Variants in CEP290 observed in about 807,000 individuals in gnomAD.
CEP290 encodes the protein centrosomal protein 290.
Under a neutral mutation model 344.9 loss-of-function variants are expected in CEP290, and 317 were observed. The observed-to-expected ratio is 0.92, with a 90% CI of 0.84 to 1.01. CEP290 has a LOEUF of 1.01. Ranked by LOEUF, CEP290 falls within the 50% of genes least tolerant of loss-of-function variation. The probability of loss-of-function intolerance (pLI) is 0.00; values close to 1 mark genes in which losing one functional copy is unlikely to be tolerated. For synonymous variants in CEP290, 932 were observed against 895.8 expected, an observed-to-expected ratio of 1.04 and a Z score of -0.72; for missense variants, 2,754 against 2,761.4, an observed-to-expected ratio of 1.00 and a Z score of 0.06.
rs751352443 is a variant in CEP290 at position 88,083,929 on chromosome 12, T to C, written c.4730A>G (p.His1577Arg). ...ATGAAGAATATGAAGGTCTTCCTCATGTTTCTTCACAATTTCTCTTTGCTC... is the reference window on the plus strand; with the variant it reads ...ATGAAGAATATGAAGGTCTTCCTCACGTTTCTTCACAATTTCTCTTTGCTC... ...REEQREIVKK[H>R]EEDLHILHHR... The change falls in exon 36 of 54, where the codon CAT (histidine) becomes CGT (arginine). Residue 1577 changes from histidine to arginine, a missense_variant. His to Arg is a conservative substitution (Grantham distance 29). Coordinates refer to ENST00000552810, the MANE Select transcript of CEP290 (RefSeq NM_025114.4). 6 of 1,594,210 alleles carry C rather than the reference T, an allele frequency of 3.8e-6. No individual in the cohort carries two copies. The highest frequency in any genetic ancestry group is 5.1e-6 in the Non-Finnish European group (6 of 1,169,044).
Position 88,068,570 on chromosome 12 carries a change from A to G in CEP290, c.6087T>C (p.Leu2029=). The G allele has an allele frequency of 6.3e-7, 1 of 1,588,232 alleles. No individual in the cohort carries two copies. Among genetic ancestry groups the G allele is most frequent in the Admixed American group, 1.8e-5 (1 of 55,938 alleles). ...HLQNRYLQEK[L]HALEKQFSKD... ...TTGAAAACTGTTTTTCTAAAGCATG[A>G]AGTTTTTCTTGGAGGTATCTATTTT... Residue 2029 remains leucine, a synonymous_variant, in exon 44 of 54, where the codon CTT becomes CTC. Coordinates refer to ENST00000552810, the MANE Select transcript of CEP290 (RefSeq NM_025114.4).
intron 8 of CEP290, 34 bp downstream of exon 8, chr12:88,130,511 A>T: frequency 6.3e-7 from 1 of 1,593,662 alleles, no homozygotes; most frequent in Middle Eastern, 1.7e-4. Context: ...ACATATTTTA[A>T]ATTCCCAAGA....
intron 22 of CEP290, 69 bp downstream of exon 22, chr12:88,111,133 A>G: frequency 1.1e-6 from 1 of 869,834 alleles, no homozygotes; most frequent in Non-Finnish European, 1.6e-6. Flanking sequence ...AACATAAAGA[A>G]ACATACTACC....
chr12:88,110,392 A>C (rs2038599142), intron 22 of CEP290, among the ~76,000 whole-genome samples: 1 of 152,104 alleles, frequency 6.6e-6, no homozygotes, highest in African/African-American at 2.4e-5. Flanking sequence ...GGGAAGACAA[A>C]GATGAAGAAT....
At chr12:88,068,721 T>C (rs987055216) in intron 43 of CEP290, 76 bp from the exon 44 acceptor site, 6 of 1,457,452 alleles carry the variant, frequency 4.1e-6, no homozygotes, top group Admixed American at 2.7e-5. Flanking sequence ...AAATACAAGA[T>C]AAAAAAAGAA....
intron 26 of CEP290, among the ~76,000 whole-genome samples, chr12:88,101,516 TG>T (rs2037880319): frequency 6.9e-6 from 1 of 145,914 alleles, no homozygotes; most frequent in Admixed American, 6.9e-5. Context: ...TTAGCTGGTG[TG>T]GTGGTGCACA....
intron 38 of CEP290, among the ~76,000 whole-genome samples, chr12:88,079,508 T>A (rs1392003096): frequency 6.6e-6 from 1 of 152,142 alleles, no homozygotes; most frequent in Non-Finnish European, 1.5e-5. Flanking sequence ...AAAACAGGTA[T>A]GTTTTGTTTT....
In CEP290 at chr12:88,084,731, G is replaced by A; in HGVS notation, c.4559C>T (p.Ala1520Val). 6.2e-7 allele frequency: 1 copy of A among 1,613,626 alleles called. No homozygotes were observed. Among genetic ancestry groups the A allele is most frequent in the Non-Finnish European group, 8.5e-7 (1 of 1,179,698 alleles). ...PATAEREKLIAELGRKEMEPK... is the reference protein window; with the variant it reads ...PATAEREKLIVELGRKEMEPK... ...TTCCATCTCTTTTCTGCCTAGCTCA[G>A]CTATGAGCTTTTCTCTTTCTGCAGT... is the stretch of plus-strand genomic sequence containing the variant. Residue 1520 changes from alanine (A) to valine (V), a missense_variant, in exon 35 of 54, where the codon GCT becomes GTT. Transcript: ENST00000552810.
At chr12:88,068,784 CT>C (rs1332119386) in intron 43 of CEP290, 139 bp from the exon 44 acceptor site, 52 of 795,908 alleles carry the variant, frequency 6.5e-5, no homozygotes, top group Non-Finnish European at 9.2e-5. Flanking sequence ...ACCTTCTAAA[CT>C]TTATAACAAA....
At position 88,049,201 on chromosome 12, in the gene CEP290, T is replaced by A; in HGVS notation, c.7423A>T (p.Asn2475Tyr). The A allele has an allele frequency of 6.3e-7, 1 of 1,593,148 alleles. No homozygotes were observed. The highest frequency in any genetic ancestry group is 1.2e-5 in the South Asian group (1 of 85,772). ...EFEDEEESPV[N>Y]FPIY ...GGTGACCTTTAGTAAATGGGGAAATTAACAGGACTTTCTTCTTCATCTTCA... is the reference window on the plus strand; with the variant it reads ...GGTGACCTTTAGTAAATGGGGAAATAAACAGGACTTTCTTCTTCATCTTCA... Residue 2475 changes from asparagine (N) to tyrosine (Y), a missense_variant, in exon 54 of 54, where the codon AAT becomes TAT. Asn to Tyr is a moderately radical substitution (Grantham distance 143). Transcript: ENST00000552810.
rs1008198007 is a variant in CEP290 at position 88,055,497 on chromosome 12, A to G, written c.6960+79T>C. 3.2e-6 allele frequency: 4 copies of G among 1,263,694 alleles called. No homozygotes were observed. The Admixed American group carries it at 1.4e-4, about 44-fold the overall frequency. The allele number at this position is 1,263,694 out of a possible 1,614,324, so 78.3% of individuals were successfully genotyped here. A position where few individuals can be genotyped will look rare whatever the true frequency, so the allele number is the denominator to read the frequency against. ...GGTCTTCTTAATAGAGTCCATTTTT[A>G]TCTATATAAGACAATGCAAGGAACA... is the stretch of plus-strand genomic sequence containing the variant. On this transcript the variant is annotated intron_variant, in intron 50 of 53. Transcript: ENST00000552810.
rs763778682 is a variant in CEP290, at chr12:88,106,742, T to G, written c.2750A>C (p.Gln917Pro). The G allele has an allele frequency of 4.3e-6, 7 of 1,611,628 alleles. No homozygotes were observed. The highest frequency in any genetic ancestry group is 5.1e-6 in the Non-Finnish European group (6 of 1,178,892). ...CTCCATTGACAACAATTCATTCTTTTGCTTCTCATTTTCTTTTCTAAGTTG... is the reference window on the plus strand; with the variant it reads ...CTCCATTGACAACAATTCATTCTTTGGCTTCTCATTTTCTTTTCTAAGTTG... ...ERQLRKENEK[Q>P]KNELLSMEAE... Residue 917 changes from glutamine to proline, a missense_variant, in exon 25 of 54, where the codon CAA (glutamine) becomes CCA (proline). Gln to Pro is a moderately conservative substitution (Grantham distance 76). Coordinates refer to ENST00000552810, the MANE Select transcript of CEP290 (RefSeq NM_025114.4).
chr12:88,074,288 A>G (rs542410799), intron 41 of CEP290, among the ~76,000 whole-genome samples: 10 of 152,316 alleles, frequency 6.6e-5, no homozygotes, highest in African/African-American at 2.4e-4. Context: ...TTTCTGAAAT[A>G]TGTACAAGAA....
At chr12:88,081,889 T>C (rs1289228189) in intron 37 of CEP290, among the ~76,000 whole-genome samples, 1 of 152,218 alleles carries the variant, frequency 6.6e-6, no homozygotes. Flanking sequence ...TAACATCTCT[T>C]GTACAAAATT....
intron 37 of CEP290, among the ~76,000 whole-genome samples, chr12:88,081,885 C>A (rs918765407): frequency 2.0e-5 from 3 of 152,178 alleles, no homozygotes; most frequent in African/African-American, 7.2e-5. Flanking sequence ...AAAATAACAT[C>A]TCTTGTACAA....
intron 31 of CEP290, 93 bp from the exon 32 acceptor site, chr12:88,088,037 G>T: frequency 2.1e-6 from 1 of 468,830 alleles, no homozygotes; most frequent in Non-Finnish European, 3.5e-6. Flanking sequence ...GAAAGTAATG[G>T]CCATTCTAAA....
intron 13 of CEP290, among the ~76,000 whole-genome samples, chr12:88,122,292 C>T (rs780358252): frequency 3.9e-5 from 6 of 152,120 alleles, no homozygotes; most frequent in African/African-American, 1.2e-4. Context: ...TCCTTCAGCA[C>T]ATGCTTTTAA....
rs2037824426 is a variant in CEP290 at position 88,100,954 on chromosome 12, G to A, written c.2991+1884C>T. ...TCATCTCTTGCTCTAGATGACATGA[G>A]GTAAGTAGGGGACTTGACTTTTACC... On this transcript the variant is annotated intron_variant, in intron 26 of 53. Coordinates refer to ENST00000552810, the MANE Select transcript of CEP290 (RefSeq NM_025114.4). 2.0e-5 allele frequency among the ~76,000 whole-genome samples: 3 copies of A among 152,214 alleles called. No homozygotes were observed. In the South Asian group the frequency reaches 6.2e-4, roughly 32 times the overall value.
At chr12:88,097,046 C>G (rs773582761) in intron 26 of CEP290, 47 bp from the exon 27 acceptor site, 1 of 898,186 alleles carries the variant, frequency 1.1e-6, no homozygotes, top group South Asian at 1.6e-5. Flanking sequence ...GTAATTCAGA[C>G]CAATACCACA....
Sources: allele counts gnomAD v4.1 joint callset (sites outside exome capture counted in the v4.1 genomes callset), GRCh38; gene constraint gnomAD v4.1.1; transcripts MANE v1.5; gene names NCBI Gene and HGNC (gene_info 2026-07-23, HGNC 2026-07-21).